NEK11: variants seen among roughly 807,000 people sequenced by gnomAD.
The protein encoded by NEK11 is serine/threonine-protein kinase Nek11.
In NEK11, 72 loss-of-function variants were observed where a neutral mutation model predicts 80.7. The observed-to-expected ratio is 0.89, with a 90% CI of 0.74 to 1.08. NEK11 has a LOEUF of 1.08. Among genes scored for constraint, NEK11 ranks in the 50% least tolerant of loss-of-function variants. NEK11 has a pLI of 0.00. For missense variants in NEK11, 764 were observed against 763.6 expected, an observed-to-expected ratio of 1.00 and a Z score of -0.01; for synonymous variants, 251 against 260.7, an observed-to-expected ratio of 0.96 and a Z score of 0.36.
At chr3:131,181,328 G>C (rs1304192358) in intron 14 of NEK11, among the ~76,000 whole-genome samples, 2 of 152,178 alleles carry the variant, frequency 1.3e-5, no homozygotes, top group East Asian at 3.8e-4. Flanking sequence ...ACCTTTAGAA[G>C]CTAGAAAAGG....
rs1434246874 is a variant in NEK11, at chr3:131,304,716, C to G, written c.1718+31142C>G. ...AGTGCCTGAGCTTTGTTCTCTGGAC[C>G]CTTGAGGTTAGGAACCTGCTGCACT... On this transcript the variant is annotated intron_variant, in intron 17 of 17. Transcript: ENST00000383366. Among the ~76,000 whole-genome samples, 5 of 152,004 alleles carry G rather than the reference C, an allele frequency of 3.3e-5. No individual in the cohort carries two copies. In the South Asian group the frequency reaches 1.0e-3, roughly 32 times the overall value.
At chr3:131,051,144 T>G (rs2068337978) in intron 3 of NEK11, among the ~76,000 whole-genome samples, 1 of 152,226 alleles carries the variant, frequency 6.6e-6, no homozygotes. Context: ...AATCAACAAG[T>G]TTTAAAAAAT....
intron 15 of NEK11, among the ~76,000 whole-genome samples, chr3:131,233,991 C>G (rs1026841703): frequency 1.3e-5 from 2 of 152,226 alleles, no homozygotes; most frequent in Non-Finnish European, 2.9e-5. Flanking sequence ...TTTTTAGCCT[C>G]TGCTTTATAC....
intron 13 of NEK11, 75 bp from the exon 14 acceptor site, chr3:131,170,698 G>A (rs2092626778): frequency 1.1e-6 from 1 of 925,212 alleles, no homozygotes; most frequent in Non-Finnish European, 1.8e-6. Flanking sequence ...TTCTAAATAA[G>A]AATATTTTTT....
intron 4 of NEK11, among the ~76,000 whole-genome samples, chr3:131,103,795 C>T (rs1308616513): frequency 6.6e-6 from 1 of 152,216 alleles, no homozygotes; most frequent in Non-Finnish European, 1.5e-5. Flanking sequence ...ACTCAACCCT[C>T]TTAGTGCTCT....
rs749861839 is a variant in NEK11 at position 131,029,839 on chromosome 3, A to G, written c.131A>G (p.Tyr44Cys). Reference protein sequence around the residue: ...KLGSGSFGTVYLVSDKKAKRG... With the variant: ...KLGSGSFGTVCLVSDKKAKRG... Reference sequence around the variant, plus strand: ...GGCAGTGGAAGTTTTGGAACTGTCTATCTGGTTTCAGACAAGAAAGCCAAA... The same window carrying G: ...GGCAGTGGAAGTTTTGGAACTGTCTGTCTGGTTTCAGACAAGAAAGCCAAA... The change falls in exon 3 of 18, where the codon TAT (tyrosine) becomes TGT (cysteine). Residue 44 changes from tyrosine to cysteine, a missense_variant. Physicochemically the swap from Tyr to Cys is radical, Grantham distance 194 (BLOSUM62 -2). Transcript: ENST00000383366. 21 of 1,614,134 alleles carry G rather than the reference A, an allele frequency of 1.3e-5. No homozygotes were observed. Among genetic ancestry groups the G allele is most frequent in the Non-Finnish European group, 1.7e-5 (20 of 1,180,050 alleles).
At chr3:131,136,069 A>C (rs559485841) in intron 7 of NEK11, among the ~76,000 whole-genome samples, 3 of 152,160 alleles carry the variant, frequency 2.0e-5, no homozygotes, top group Admixed American at 6.5e-5. Context: ...GAAAAAAAAA[A>C]CAGCCAAAAC....
intron 5 of NEK11, among the ~76,000 whole-genome samples, chr3:131,115,908 T>C (rs1014726713): frequency 2.8e-4 from 13 of 46,862 alleles, no homozygotes; most frequent in African/African-American, 1.1e-3. Flanking sequence ...AGTGTTTTCT[T>C]TCTTTCTTTC....
At chr3:131,176,601 G>A (rs1323362129) in intron 14 of NEK11, among the ~76,000 whole-genome samples, 1 of 152,172 alleles carries the variant, frequency 6.6e-6, no homozygotes, top group Non-Finnish European at 1.5e-5. Context: ...AATTTAGAGT[G>A]TTCCTTCTGT....
At chr3:131,168,315 T>C (rs2092406921) in intron 12 of NEK11, among the ~76,000 whole-genome samples, 1 of 151,974 alleles carries the variant, frequency 6.6e-6, no homozygotes, top group South Asian at 2.1e-4. Context: ...TAGTCCAGGG[T>C]GCAGCCTGAG....
chr3:131,282,285 T>TTTTTTTTTTTTGAG (rs2096407696), intron 17 of NEK11, among the ~76,000 whole-genome samples: 1 of 152,102 alleles, frequency 6.6e-6, no homozygotes, highest in African/African-American at 2.4e-5. Flanking sequence ...CTGGCATTAT[T>TTTTTTTTTTTTGAG]AATGCCATAG....
intron 4 of NEK11, among the ~76,000 whole-genome samples, chr3:131,102,250 A>G (rs13094108): frequency 0.91 from 138,408 of 152,208 alleles, 63,447 homozygotes; most frequent in Non-Finnish European, 0.95. Context: ...GTTATGTAGA[A>G]TTAAGATTGC....
chr3:131,258,488 C>G (rs761053555), intron 16 of NEK11, among the ~76,000 whole-genome samples: 1 of 152,142 alleles, frequency 6.6e-6, no homozygotes. Context: ...TAATTAAACT[C>G]CCCAAACATT....
At chr3:131,106,174 T>A (rs555936438) in intron 4 of NEK11, among the ~76,000 whole-genome samples, 3 of 152,128 alleles carry the variant, frequency 2.0e-5, no homozygotes, top group Non-Finnish European at 4.4e-5. Context: ...TTTTTTATAA[T>A]ACATTTTTTT....
rs567275953 is a variant in NEK11 at position 131,062,276 on chromosome 3, T to C, written c.171-18147T>C. 2.0e-5 allele frequency among the ~76,000 whole-genome samples: 3 copies of C among 152,340 alleles called. No homozygotes were observed. The East Asian group carries it at 5.8e-4, about 29-fold the overall frequency. On this transcript the variant is annotated intron_variant, in intron 3 of 17. Transcript: ENST00000383366. ...ATAGATGTACATGGCAGCTCCTATT[T>C]TCCCTGGAACTCTGATCACCAAACA...
chr3:131,152,779 T>G, intron 9 of NEK11, 70 bp downstream of exon 9: 2 of 1,060,656 alleles, frequency 1.9e-6, no homozygotes, highest in Non-Finnish European at 2.9e-6. Context: ...GACTTGAAGA[T>G]ATGCAGTGGG....
chr3:131,053,547 C>CT (rs1233746433), intron 3 of NEK11: 1 of 152,124 alleles, frequency 6.6e-6, no homozygotes. Context: ...TGTATTCTTT[C>CT]TTTTTTAAAA....
intron 17 of NEK11, among the ~76,000 whole-genome samples, chr3:131,289,030 G>T (rs2096513545): frequency 6.6e-6 from 1 of 152,140 alleles, no homozygotes; most frequent in Admixed American, 6.6e-5. Context: ...GTCTGCTCGG[G>T]TTGCCATAAC....
At chr3:131,058,789 C>G (rs2070203466) in intron 3 of NEK11, among the ~76,000 whole-genome samples, 1 of 152,240 alleles carries the variant, frequency 6.6e-6, no homozygotes, top group East Asian at 1.9e-4. Flanking sequence ...ATTAGCTCTC[C>G]CATCCTCACA....
Sources: allele counts gnomAD v4.1 joint callset (sites outside exome capture counted in the v4.1 genomes callset), GRCh38; gene constraint gnomAD v4.1.1; transcripts MANE v1.5; gene names NCBI Gene and HGNC (gene_info 2026-07-23, HGNC 2026-07-21).